The following SPOCK1 variants were observed in gnomAD, a reference collection of about 807,000 sequenced individuals.
The protein encoded by SPOCK1 is SPARC (osteonectin), cwcv and kazal like domains proteoglycan 1.
A neutral mutation model predicts 55.3 loss-of-function variants in SPOCK1; 23 were observed. The observed-to-expected ratio is 0.42, with a 90% CI of 0.30 to 0.59. The LOEUF is 0.59. Among genes scored for constraint, SPOCK1 ranks in the 20% least tolerant of loss-of-function variants. The probability of loss-of-function intolerance (pLI) is 0.22; values close to 1 mark genes in which losing one functional copy is unlikely to be tolerated. For synonymous variants in SPOCK1, 226 were observed against 221.0 expected (o/e 1.02, Z -0.20); for missense variants, 499 against 552.5 (o/e 0.90, Z 0.97).
At chr5:137,054,385 A>T (rs1561592403) in intron 6 of SPOCK1, among the ~76,000 whole-genome samples, 2 of 152,230 alleles carry the variant, frequency 1.3e-5, no homozygotes, top group South Asian at 2.1e-4. Flanking sequence ...AAGGCAAATA[A>T]TAGACAAGTG....
chr5:137,258,661 T>A (rs1756686174), intron 3 of SPOCK1, among the ~76,000 whole-genome samples: 1 of 152,218 alleles, frequency 6.6e-6, no homozygotes, highest in Non-Finnish European at 1.5e-5. Flanking sequence ...GCAGGTGGAT[T>A]AACAGGAAGG....
chr5:137,353,267 A>G (rs528704252), intron 2 of SPOCK1, among the ~76,000 whole-genome samples: 21 of 152,258 alleles, frequency 1.4e-4, no homozygotes, highest in Middle Eastern at 3.4e-3. Context: ...TGTAGTCCCA[A>G]CTACTCAAGA....
intron 2 of SPOCK1, among the ~76,000 whole-genome samples, chr5:137,494,761 T>C (rs1289201633): frequency 6.6e-6 from 1 of 152,242 alleles, no homozygotes; most frequent in African/African-American, 2.4e-5. Context: ...TGTTCACTCT[T>C]ATAACCCAAT....
intron 3 of SPOCK1, among the ~76,000 whole-genome samples, chr5:137,229,803 T>C (rs1756014242): frequency 6.6e-6 from 1 of 152,066 alleles, no homozygotes. Context: ...TAGATTCTCA[T>C]AAGGAGTGCA....
At chr5:137,381,984 G>C (rs1751481189) in intron 2 of SPOCK1, among the ~76,000 whole-genome samples, 1 of 152,146 alleles carries the variant, frequency 6.6e-6, no homozygotes. Context: ...ATTAGTTCCA[G>C]TTTCAGATAA....
At chr5:137,088,307 C>G (rs554277453) in intron 5 of SPOCK1, among the ~76,000 whole-genome samples, 1 of 152,192 alleles carries the variant, frequency 6.6e-6, no homozygotes, top group African/African-American at 2.4e-5. Context: ...GCATATTTGT[C>G]GGGTAAACCT....
intron 3 of SPOCK1, 49 bp from the exon 4 acceptor site, chr5:137,140,743 T>C: frequency 9.8e-7 from 1 of 1,016,078 alleles, no homozygotes; most frequent in Non-Finnish European, 1.4e-6. Flanking sequence ...TCCAGGGAAA[T>C]TTAATTTTTT....
At chr5:137,356,798 A>ATAT (rs1491351108) in intron 2 of SPOCK1, among the ~76,000 whole-genome samples, 155 of 13,720 alleles carry the variant, frequency 0.011, 16 homozygotes, top group East Asian at 0.034. Context: ...CAAAAAAAAT[A>ATAT]ATATATATAT....
intron 3 of SPOCK1, among the ~76,000 whole-genome samples, chr5:137,160,615 A>G (rs1229649657): frequency 2.3e-5 from 1 of 43,402 alleles, no homozygotes; most frequent in Non-Finnish European, 4.0e-5. Flanking sequence ...ATAATATATA[A>G]TATATATTTT....
intron 6 of SPOCK1, among the ~76,000 whole-genome samples, chr5:137,062,277 C>T (rs1171737526): frequency 6.6e-6 from 1 of 152,100 alleles, no homozygotes; most frequent in African/African-American, 2.4e-5. Context: ...CAAAATCCTA[C>T]AACCCTGCCA....
chr5:137,450,698 C>G (rs1753237111), intron 2 of SPOCK1, among the ~76,000 whole-genome samples: 2 of 152,118 alleles, frequency 1.3e-5, no homozygotes, highest in South Asian at 4.1e-4. Context: ...TCTTTCAAAA[C>G]TGTTCTCCCT....
chr5:137,054,090 A>T (rs1752259115), intron 6 of SPOCK1, among the ~76,000 whole-genome samples: 7 of 152,148 alleles, frequency 4.6e-5, no homozygotes, highest in Admixed American at 2.0e-4. Flanking sequence ...CACACACATT[A>T]AAAAAGGAAG....
intron 3 of SPOCK1, among the ~76,000 whole-genome samples, chr5:137,180,666 C>G (rs1328138995): frequency 1.3e-5 from 2 of 152,146 alleles, no homozygotes; most frequent in African/African-American, 4.8e-5. Flanking sequence ...CAAGAACCCC[C>G]ACTGTTTAGT....
intron 2 of SPOCK1, among the ~76,000 whole-genome samples, chr5:137,284,426 T>A (rs1172268655): frequency 6.6e-6 from 1 of 152,144 alleles, no homozygotes; most frequent in South Asian, 2.1e-4. Flanking sequence ...AGACAACCCT[T>A]GATAAAGCCC....
intron 2 of SPOCK1, among the ~76,000 whole-genome samples, chr5:137,377,646 C>T (rs946729854): frequency 6.6e-6 from 1 of 152,094 alleles, no homozygotes; most frequent in African/African-American, 2.4e-5. Context: ...TGGAAGAATG[C>T]AAGACATAAG....
At chr5:137,193,608 G>A (rs561118145) in intron 3 of SPOCK1, among the ~76,000 whole-genome samples, 52 of 152,304 alleles carry the variant, frequency 3.4e-4, no homozygotes, top group Admixed American at 8.5e-4. Flanking sequence ...CATGCTTGGT[G>A]TCCGCCTCTG....
intron 3 of SPOCK1, among the ~76,000 whole-genome samples, chr5:137,242,761 A>G (rs1756311553): frequency 6.6e-6 from 1 of 152,180 alleles, no homozygotes; most frequent in Non-Finnish European, 1.5e-5. Context: ...AAAACCATAC[A>G]GTTGTAGAAG....
At chr5:137,236,005 C>G (rs1419267463) in intron 3 of SPOCK1, among the ~76,000 whole-genome samples, 1 of 152,262 alleles carries the variant, frequency 6.6e-6, no homozygotes, top group African/African-American at 2.4e-5. Context: ...AGCCTCCACT[C>G]TGTGCCTGAT....
At chr5:137,065,443 T>G (rs1033882565) in intron 6 of SPOCK1, among the ~76,000 whole-genome samples, 1 of 152,170 alleles carries the variant, frequency 6.6e-6, no homozygotes, top group Non-Finnish European at 1.5e-5. Flanking sequence ...TAGAACCTCA[T>G]GGAAAGAATC....
Sources: allele counts gnomAD v4.1 joint callset (sites outside exome capture counted in the v4.1 genomes callset), GRCh38; gene constraint gnomAD v4.1.1; transcripts MANE v1.5; gene names NCBI Gene and HGNC (gene_info 2026-07-23, HGNC 2026-07-21).